Variants in TMEFF2 observed in about 807,000 individuals in gnomAD.
The protein encoded by TMEFF2 is transmembrane protein with EGF like and two follistatin like domains 2.
TMEFF2 carries 28 observed loss-of-function variants against 53.8 expected under a neutral mutation model. The ratio of observed to expected loss-of-function variants is 0.52; its 90% confidence interval spans 0.39 to 0.71. TMEFF2 has a LOEUF of 0.71. Among genes scored for constraint, TMEFF2 ranks in the 30% least tolerant of loss-of-function variants. TMEFF2 has a pLI of 0.00. For missense variants in TMEFF2, 353 were observed against 455.2 expected (o/e 0.78, Z 2.04); for synonymous variants, 162 against 166.3 (o/e 0.97, Z 0.20).
intron 4 of TMEFF2, among the ~76,000 whole-genome samples, chr2:192,083,085 A>G (rs1688590559): frequency 6.6e-6 from 1 of 151,958 alleles, no homozygotes; most frequent in South Asian, 2.1e-4. Flanking sequence ...TTATGTGCTA[A>G]ATCCCTATAT....
At chr2:192,176,407 G>T (rs1267466166) in intron 4 of TMEFF2, among the ~76,000 whole-genome samples, 2 of 151,278 alleles carry the variant, frequency 1.3e-5, no homozygotes, top group East Asian at 3.9e-4. Context: ...GTATTAATGA[G>T]TTTTCTTAAA....
chr2:192,148,523 G>A (rs1241391140), intron 4 of TMEFF2, among the ~76,000 whole-genome samples: 3 of 151,926 alleles, frequency 2.0e-5, no homozygotes, highest in Admixed American at 6.6e-5. Flanking sequence ...TACTTTGCTT[G>A]TGAACTCCTT....
At chr2:192,068,324 G>A (rs1275318408) in intron 4 of TMEFF2, among the ~76,000 whole-genome samples, 4 of 151,866 alleles carry the variant, frequency 2.6e-5, no homozygotes, top group African/African-American at 9.7e-5. Context: ...TCTCAAATGT[G>A]AATTTTTGAC....
At chr2:192,055,074 AT>A (rs976629731) in intron 5 of TMEFF2, among the ~76,000 whole-genome samples, 1 of 152,200 alleles carries the variant, frequency 6.6e-6, no homozygotes, top group Non-Finnish European at 1.5e-5. Flanking sequence ...ACTCATGTAC[AT>A]TTTTTAAAAA....
intron 5 of TMEFF2, among the ~76,000 whole-genome samples, chr2:192,017,730 G>A (rs544341955): frequency 1.6e-4 from 24 of 152,110 alleles, no homozygotes; most frequent in Admixed American, 2.6e-4. Flanking sequence ...AGTCTGATAC[G>A]TTCAAATTTA....
chr2:191,952,993 G>T (rs974112800), intron 9 of TMEFF2, among the ~76,000 whole-genome samples: 7 of 152,154 alleles, frequency 4.6e-5, no homozygotes, highest in African/African-American at 1.7e-4. Context: ...TTTGCTTAAA[G>T]TCCAATTCTT....
At chr2:192,068,608 AAAGCACT>A (rs1305930158) in intron 4 of TMEFF2, among the ~76,000 whole-genome samples, 1 of 151,882 alleles carries the variant, frequency 6.6e-6, no homozygotes, top group Non-Finnish European at 1.5e-5. Flanking sequence ...TGGATAAAAG[AAAGCACT>A]AAAGTGCTAT....
intron 7 of TMEFF2, among the ~76,000 whole-genome samples, chr2:191,997,364 TAC>T (rs1212578020): frequency 6.6e-6 from 1 of 151,846 alleles, no homozygotes; most frequent in Non-Finnish European, 1.5e-5. Flanking sequence ...TTAAATTTCA[TAC>T]ACATTTATCC....
chr2:192,068,394 A>G (rs191937064), intron 4 of TMEFF2, among the ~76,000 whole-genome samples: 1 of 152,070 alleles, frequency 6.6e-6, no homozygotes, highest in Admixed American at 6.6e-5. Flanking sequence ...AACACAAAAC[A>G]GCATAACAAA....
chr2:192,126,515 A>C (rs918763662), intron 4 of TMEFF2, among the ~76,000 whole-genome samples: 2 of 152,220 alleles, frequency 1.3e-5, no homozygotes, highest in Admixed American at 1.3e-4. Context: ...TGACAATTAA[A>C]ACTGTCAGTC....
At chr2:192,123,559 CATT>C (rs2105968883) in intron 4 of TMEFF2, among the ~76,000 whole-genome samples, 1 of 152,230 alleles carries the variant, frequency 6.6e-6, no homozygotes, top group Admixed American at 6.5e-5. Flanking sequence ...ATAGGAGTTG[CATT>C]ATATTTACTA....
intron 4 of TMEFF2, among the ~76,000 whole-genome samples, chr2:192,058,286 A>T: frequency 6.6e-6 from 1 of 152,268 alleles, no homozygotes; most frequent in South Asian, 2.1e-4. Context: ...TTAAGTACTT[A>T]TAAGAAAAAG....
chr2:192,177,085 T>C (rs1157622691), intron 4 of TMEFF2: 1 of 151,244 alleles, frequency 6.6e-6, no homozygotes, highest in Non-Finnish European at 1.5e-5. Flanking sequence ...TACACATTAC[T>C]GAGAATATGT....
chr2:192,035,569 C>G (rs1027727152), intron 5 of TMEFF2, among the ~76,000 whole-genome samples: 28 of 152,128 alleles, frequency 1.8e-4, no homozygotes, highest in African/African-American at 6.8e-4. Flanking sequence ...TTTCCCATTA[C>G]TTAGTCTGTC....
intron 7 of TMEFF2, among the ~76,000 whole-genome samples, chr2:191,979,354 C>A (rs921273002): frequency 6.6e-6 from 1 of 152,136 alleles, no homozygotes; most frequent in African/African-American, 2.4e-5. Context: ...CCAGCTGATT[C>A]ATTTCTATTG....
rs573334858 is a variant in TMEFF2, at chr2:191,995,950, A to C, written c.745+2312T>G. ...AGAAGATCCTGGACTACAATGAGTG[A>C]CAGAAGAGTTTTCATTTGCATGTAT... On this transcript the variant is annotated intron_variant, in intron 7 of 9. Transcript: ENST00000272771. 3.1e-4 allele frequency among the ~76,000 whole-genome samples: 47 copies of C among 151,972 alleles called. 1 individual carries two copies. The highest frequency in any genetic ancestry group is 4.4e-5 in the Non-Finnish European group (3 of 67,906).
intron 4 of TMEFF2, among the ~76,000 whole-genome samples, chr2:192,065,328 C>A (rs1408623412): frequency 6.6e-6 from 1 of 151,690 alleles, no homozygotes; most frequent in Admixed American, 6.6e-5. Flanking sequence ...ACATTAAATG[C>A]AGTATAAATG....
At chr2:192,041,519 T>C (rs1225398411) in intron 5 of TMEFF2, among the ~76,000 whole-genome samples, 1 of 152,166 alleles carries the variant, frequency 6.6e-6, no homozygotes, top group African/African-American at 2.4e-5. Flanking sequence ...GCTGGTGGAA[T>C]ATAAGTGTTG....
intron 4 of TMEFF2, among the ~76,000 whole-genome samples, chr2:192,119,256 G>A (rs760867128): frequency 2.6e-5 from 4 of 152,268 alleles, no homozygotes; most frequent in South Asian, 2.1e-4. Context: ...AAATCTACTA[G>A]TGAGAAAATG....
Sources: gnomAD v4.1 joint callset for allele counts (sites outside exome capture counted in the v4.1 genomes callset) on GRCh38, gnomAD v4.1.1 for gene constraint, MANE v1.5 for transcripts, NCBI Gene and HGNC (gene_info 2026-07-23, HGNC 2026-07-21) for gene names.